Variants in CDYL2 observed in about 807,000 individuals in gnomAD.
The protein encoded by CDYL2 is chromodomain Y-like protein 2.
A neutral mutation model predicts 49.4 loss-of-function variants in CDYL2; 23 were observed. That is an observed-to-expected ratio of 0.47 (90% CI 0.34 to 0.66). The LOEUF (loss-of-function observed/expected upper bound fraction) is 0.66, where lower values mean the gene tolerates loss of function less well. Ranked by LOEUF, CDYL2 falls within the 30% of genes least tolerant of loss-of-function variation. The pLI is 0.01. For missense variants in CDYL2, 678 were observed against 656.4 expected (o/e 1.03, Z -0.36); for synonymous variants, 360 against 268.8 (o/e 1.34, Z -3.32).
intron 2 of CDYL2, among the ~76,000 whole-genome samples, chr16:80,672,370 T>C (rs1041908649): frequency 3.8e-5 from 4 of 105,298 alleles, no homozygotes; most frequent in African/African-American, 1.2e-4. Flanking sequence ...GAGAGAGAGA[T>C]GAGTAGAACA....
intron 1 of CDYL2, among the ~76,000 whole-genome samples, chr16:80,756,457 A>G (rs1278863719): frequency 6.6e-6 from 1 of 152,182 alleles, no homozygotes; most frequent in Non-Finnish European, 1.5e-5. Flanking sequence ...ATTTAGAACA[A>G]TAAATTTGAA....
chr16:80,655,415 G>C (rs983548057), intron 2 of CDYL2, among the ~76,000 whole-genome samples: 2 of 152,182 alleles, frequency 1.3e-5, no homozygotes, highest in Non-Finnish European at 2.9e-5. Context: ...CTTGCTTTGG[G>C]TTGGGGAGAT....
intron 2 of CDYL2, among the ~76,000 whole-genome samples, chr16:80,637,051 C>A (rs1282430004): frequency 6.6e-6 from 1 of 152,034 alleles, no homozygotes; most frequent in Non-Finnish European, 1.5e-5. Flanking sequence ...CGGGGCTTGT[C>A]TGGGGGTGGA....
intron 1 of CDYL2, among the ~76,000 whole-genome samples, chr16:80,754,441 A>C (rs1218696744): frequency 6.6e-6 from 1 of 152,368 alleles, no homozygotes. Context: ...ATTACAAAAC[A>C]GGAATTTCTG....
At chr16:80,781,224 T>G (rs1292251068) in intron 1 of CDYL2, among the ~76,000 whole-genome samples, 1 of 152,240 alleles carries the variant, frequency 6.6e-6, no homozygotes, top group Non-Finnish European at 1.5e-5. Context: ...TACTGGGAAC[T>G]GTTCGTATGA....
intron 5 of CDYL2, among the ~76,000 whole-genome samples, chr16:80,610,952 C>T (rs999831395): frequency 6.6e-6 from 1 of 152,144 alleles, no homozygotes; most frequent in African/African-American, 2.4e-5. Context: ...CTCGCAGGGG[C>T]CACTCCACGC....
chr16:80,641,149 G>A (rs1443909556), intron 2 of CDYL2, among the ~76,000 whole-genome samples: 4 of 152,066 alleles, frequency 2.6e-5, no homozygotes, highest in African/African-American at 9.7e-5. Flanking sequence ...GCTATCTGAA[G>A]GCATTCAATA....
At chr16:80,651,772 C>A (rs1373345369) in intron 2 of CDYL2, among the ~76,000 whole-genome samples, 1 of 152,140 alleles carries the variant, frequency 6.6e-6, no homozygotes, top group Admixed American at 6.5e-5. Context: ...GCAAAATAAA[C>A]TCTACACAGC....
At chr16:80,777,770 A>G (rs913857129) in intron 1 of CDYL2, among the ~76,000 whole-genome samples, 3 of 152,116 alleles carry the variant, frequency 2.0e-5, no homozygotes, top group Non-Finnish European at 4.4e-5. Context: ...AGCATTCCAG[A>G]GAAAGCTTAG....
At chr16:80,626,851 G>A (rs997383305) in intron 3 of CDYL2, among the ~76,000 whole-genome samples, 2 of 152,140 alleles carry the variant, frequency 1.3e-5, no homozygotes, top group African/African-American at 4.8e-5. Flanking sequence ...AATTGCACCA[G>A]GAATTTTATT....
At chr16:80,787,059 A>C (rs1907460531) in intron 1 of CDYL2, among the ~76,000 whole-genome samples, 1 of 152,146 alleles carries the variant, frequency 6.6e-6, no homozygotes, top group Non-Finnish European at 1.5e-5. Flanking sequence ...CCCAGAACCT[A>C]AAGTACAATT....
chr16:80,762,184 AAAAT>A (rs1300709699), intron 1 of CDYL2, among the ~76,000 whole-genome samples: 1 of 152,150 alleles, frequency 6.6e-6, no homozygotes, highest in South Asian at 2.1e-4. Context: ...ACTTGTCTCA[AAAAT>A]AAATAAATAA....
intron 1 of CDYL2, among the ~76,000 whole-genome samples, chr16:80,715,110 G>A (rs1442121725): frequency 6.6e-6 from 1 of 152,098 alleles, no homozygotes; most frequent in Non-Finnish European, 1.5e-5. Context: ...ATCAAAGTAA[G>A]TGTAACTGCA....
intron 5 of CDYL2, among the ~76,000 whole-genome samples, chr16:80,609,393 G>GT (rs1274926725): frequency 5.3e-5 from 8 of 152,306 alleles, no homozygotes; most frequent in Non-Finnish European, 8.8e-5. Flanking sequence ...AGAGCTATGC[G>GT]TAAGTTCCCC....
At position 80,782,060 on chromosome 16, in the gene CDYL2, G is replaced by T. The variant is rs1907286796; in HGVS notation, c.24+22090C>A. ...ATAATAAAGATTAGCATAAAGTAGA[G>T]AATACAAAAACAATAGAGAAAATCA... On this transcript the variant is annotated intron_variant, in intron 1 of 6. Transcript: ENST00000570137. 2.6e-5 allele frequency among the ~76,000 whole-genome samples: 4 copies of T among 151,506 alleles called. No individual in the cohort carries two copies. The South Asian group carries it at 6.2e-4, about 24-fold the overall frequency.
intron 1 of CDYL2, chr16:80,735,035 A>C (rs1330408134): frequency 6.6e-6 from 1 of 152,170 alleles, no homozygotes; most frequent in African/African-American, 2.4e-5. Context: ...CAAAAGCCAC[A>C]TTTATCTCCC....
At chr16:80,652,855 T>A (rs1908643551) in intron 2 of CDYL2, among the ~76,000 whole-genome samples, 1 of 151,952 alleles carries the variant, frequency 6.6e-6, no homozygotes, top group Non-Finnish European at 1.5e-5. Context: ...ACCAAGCAGC[T>A]CTCCTCAAAA....
chr16:80,717,543 A>G (rs1165520074), intron 1 of CDYL2, among the ~76,000 whole-genome samples: 1 of 152,168 alleles, frequency 6.6e-6, no homozygotes, highest in South Asian at 2.1e-4. Context: ...TAGGGTGAAG[A>G]CTGCTTTACC....
chr16:80,646,543 C>A lies in CDYL2; in HGVS notation c.617-13307G>T, dbSNP rs1908354526. 2.0e-5 allele frequency among the ~76,000 whole-genome samples: 3 copies of A among 152,154 alleles called. No homozygotes were observed. The South Asian group carries it at 6.2e-4, about 32-fold the overall frequency. ...TGGTGGCTCACACCTGTAATCCCAG[C>A]ACTTTGGGAGGCCAAGGAAGGCAGA... On this transcript the variant is annotated intron_variant, in intron 2 of 6. Transcript: ENST00000570137.
Sources: gnomAD v4.1 joint callset for allele counts (sites outside exome capture counted in the v4.1 genomes callset) on GRCh38, gnomAD v4.1.1 for gene constraint, MANE v1.5 for transcripts, NCBI Gene and HGNC (gene_info 2026-07-23, HGNC 2026-07-21) for gene names.